Variants in SMYD3 observed in about 807,000 individuals in gnomAD.
The protein encoded by SMYD3 is histone-lysine N-methyltransferase SMYD3.
Under a neutral mutation model 57.7 loss-of-function variants are expected in SMYD3, and 36 were observed. The ratio of observed to expected loss-of-function variants is 0.62; its 90% CI spans 0.48 to 0.82. The LOEUF is 0.82. SMYD3 is among the 40% of genes least tolerant of loss of function. The pLI is 0.00. For synonymous variants in SMYD3, 211 were observed against 195.0 expected (o/e 1.08, Z -0.68); for missense variants, 515 against 538.8 (o/e 0.96, Z 0.44).
intron 3 of SMYD3, 91 bp downstream of exon 3, chr1:246,335,276 A>C: frequency 8.8e-7 from 1 of 1,134,038 alleles, no homozygotes; most frequent in Non-Finnish European, 1.3e-6. Flanking sequence ...CTGAAACTGA[A>C]CCTGCAACAT....
chr1:246,097,797 G>A (rs1033663027), intron 5 of SMYD3, among the ~76,000 whole-genome samples: 3 of 152,146 alleles, frequency 2.0e-5, no homozygotes, highest in African/African-American at 7.2e-5. Flanking sequence ...ATCACTTTGT[G>A]TGGCACCTGC....
At chr1:246,176,188 TA>T (rs1276883553) in intron 5 of SMYD3, among the ~76,000 whole-genome samples, 1 of 152,148 alleles carries the variant, frequency 6.6e-6, no homozygotes, top group African/African-American at 2.4e-5. Flanking sequence ...AATTCTTTTT[TA>T]TCTGCTACTT....
At chr1:246,044,340 A>C (rs1299833674) in intron 5 of SMYD3, among the ~76,000 whole-genome samples, 6 of 152,214 alleles carry the variant, frequency 3.9e-5, no homozygotes, top group East Asian at 1.9e-4. Context: ...GGTAAGATAC[A>C]CAGGTGTTCA....
At chr1:246,459,680 T>G (rs72760824) in intron 1 of SMYD3, among the ~76,000 whole-genome samples, 35,527 of 152,152 alleles carry the variant, frequency 0.23, 4,388 homozygotes, top group Middle Eastern at 0.28. Context: ...GGTAGTTTTT[T>G]ACAGCAGTGT....
intron 5 of SMYD3, among the ~76,000 whole-genome samples, chr1:246,004,113 T>C (rs1219751433): frequency 1.3e-5 from 2 of 152,212 alleles, no homozygotes; most frequent in Non-Finnish European, 2.9e-5. Flanking sequence ...TTCATAGGAT[T>C]GCTGTGAGGA....
chr1:246,169,036 A>T (rs1418877372), intron 5 of SMYD3, among the ~76,000 whole-genome samples: 2 of 152,154 alleles, frequency 1.3e-5, no homozygotes, highest in African/African-American at 2.4e-5. Context: ...GTCATTTTAC[A>T]TTGCTTTAAT....
chr1:246,090,077 T>C lies in SMYD3; in HGVS notation c.532-160140A>G, dbSNP rs549762237. On this transcript the variant is annotated intron_variant, in intron 5 of 11. Transcript: ENST00000490107. Reference sequence around the variant, plus strand: ...CCATCACAAATTCCCTTTCTTTCTATTAGTGGATATGGAATTATCTAGCAT... The same window carrying C: ...CCATCACAAATTCCCTTTCTTTCTACTAGTGGATATGGAATTATCTAGCAT... 9.9e-5 allele frequency among the ~76,000 whole-genome samples: 15 copies of C among 152,244 alleles called. No homozygotes were observed. The East Asian group carries it at 2.5e-3, about 26-fold the overall frequency.
At chr1:246,003,664 A>G (rs1169101616) in intron 5 of SMYD3, among the ~76,000 whole-genome samples, 1 of 152,208 alleles carries the variant, frequency 6.6e-6, no homozygotes, top group African/African-American at 2.4e-5. Flanking sequence ...TACCTTGCTT[A>G]TTATTCCAAT....
chr1:245,924,665 T>G (rs1355332839), intron 7 of SMYD3, among the ~76,000 whole-genome samples: 6 of 149,836 alleles, frequency 4.0e-5, no homozygotes, highest in Admixed American at 4.0e-4. Context: ...CTTTTTTTTT[T>G]TTTTTTTTTT....
intron 1 of SMYD3, among the ~76,000 whole-genome samples, chr1:246,450,496 G>A (rs2067617147): frequency 6.6e-6 from 1 of 152,170 alleles, no homozygotes; most frequent in Non-Finnish European, 1.5e-5. Context: ...AGATGGCAGT[G>A]ATCTATAATT....
intron 10 of SMYD3, among the ~76,000 whole-genome samples, chr1:245,802,616 C>T (rs1349749139): frequency 6.6e-6 from 1 of 152,214 alleles, no homozygotes; most frequent in Non-Finnish European, 1.5e-5. Flanking sequence ...AGCCTAGGGC[C>T]TGGCTTTGGG....
chr1:245,953,766 C>A (rs1173419267), intron 5 of SMYD3, among the ~76,000 whole-genome samples: 1 of 152,112 alleles, frequency 6.6e-6, no homozygotes, highest in African/African-American at 2.4e-5. Flanking sequence ...AACAAAAACC[C>A]CACATGTACT....
intron 1 of SMYD3, among the ~76,000 whole-genome samples, chr1:246,377,447 A>G (rs1265040346): frequency 1.4e-5 from 2 of 147,372 alleles, no homozygotes; most frequent in African/African-American, 5.0e-5. Context: ...TCAGCTCACC[A>G]CAAACTCCGC....
At chr1:246,101,306 A>G (rs77530035) in intron 5 of SMYD3, among the ~76,000 whole-genome samples, 3,207 of 152,232 alleles carry the variant, frequency 0.021, 143 homozygotes, top group East Asian at 0.16. Flanking sequence ...TATCACATTC[A>G]TGTCAATGGC....
intron 1 of SMYD3, among the ~76,000 whole-genome samples, chr1:246,398,834 G>A (rs1360415410): frequency 6.6e-6 from 1 of 152,134 alleles, no homozygotes; most frequent in Non-Finnish European, 1.5e-5. Context: ...AACTAGTGAT[G>A]AGTCTGACAA....
At chr1:246,301,217 A>G (rs1322486774) in intron 5 of SMYD3, among the ~76,000 whole-genome samples, 1 of 152,204 alleles carries the variant, frequency 6.6e-6, no homozygotes, top group Non-Finnish European at 1.5e-5. Flanking sequence ...TAAATAGACA[A>G]TGAAAAAAAT....
At chr1:246,493,369 T>A (rs146284327) in intron 1 of SMYD3, among the ~76,000 whole-genome samples, 1 of 152,164 alleles carries the variant, frequency 6.6e-6, no homozygotes, top group Non-Finnish European at 1.5e-5. Context: ...ATAAATGGTT[T>A]CTAAAACTGC....
chr1:246,335,601 TAAAAGCAATATTC>T, intron 2 of SMYD3, 127 bp from the exon 3 acceptor site: 1 of 692,946 alleles, frequency 1.4e-6, no homozygotes, highest in Non-Finnish European at 2.4e-6. Flanking sequence ...CAATAGAAAA[TAAAAGCAATATTC>T]TAAATCTGAA....
At chr1:246,485,293 C>G (rs983201163) in intron 1 of SMYD3, among the ~76,000 whole-genome samples, 1 of 152,114 alleles carries the variant, frequency 6.6e-6, no homozygotes, top group Non-Finnish European at 1.5e-5. Flanking sequence ...CACCTGAAAA[C>G]ATATCACTTC....
Sources: allele counts gnomAD v4.1 joint callset (sites outside exome capture counted in the v4.1 genomes callset), GRCh38; gene constraint gnomAD v4.1.1; transcripts MANE v1.5; gene names NCBI Gene and HGNC (gene_info 2026-07-23, HGNC 2026-07-21).